ADAM10: variants seen among roughly 807,000 people sequenced by gnomAD.
ADAM10 encodes the protein ADAM metallopeptidase domain 10.
Under a neutral mutation model 90.1 loss-of-function variants are expected in ADAM10, and 17 were observed. The observed-to-expected ratio is 0.19, with a 90% CI of 0.13 to 0.28. The LOEUF (loss-of-function observed/expected upper bound fraction) is 0.28, where lower values mean the gene tolerates loss of function less well. ADAM10 is among the 10% of genes least tolerant of loss of function. The pLI is 1.00. For missense variants in ADAM10, 610 were observed against 914.3 expected, an observed-to-expected ratio of 0.67 and a Z score of 4.29; for synonymous variants, 310 against 298.6, an observed-to-expected ratio of 1.04 and a Z score of -0.40.
At chr15:58,622,607 A>C (rs1247829227) in intron 10 of ADAM10, among the ~76,000 whole-genome samples, 2 of 152,174 alleles carry the variant, frequency 1.3e-5, no homozygotes, top group East Asian at 1.9e-4. Context: ...TCCTTAAGGG[A>C]ACAAACATGT....
At chr15:58,740,399 A>G (rs1269698785) in intron 1 of ADAM10, among the ~76,000 whole-genome samples, 1 of 146,988 alleles carries the variant, frequency 6.8e-6, no homozygotes, top group East Asian at 2.0e-4. Flanking sequence ...TCAGCGCGAG[A>G]CTCTGTCTCT....
chr15:58,605,342 C>T (rs1895238784), intron 14 of ADAM10, among the ~76,000 whole-genome samples: 4 of 152,014 alleles, frequency 2.6e-5, no homozygotes, highest in Non-Finnish European at 4.4e-5. Flanking sequence ...GTGAATTTAG[C>T]GTGTGGGGAA....
chr15:58,603,201 C>G (rs1269699418), intron 14 of ADAM10, among the ~76,000 whole-genome samples: 1 of 152,096 alleles, frequency 6.6e-6, no homozygotes, highest in Non-Finnish European at 1.5e-5. Context: ...TATAGGTATT[C>G]CATAGACTCC....
chr15:58,716,457 G>T (rs780575062), intron 2 of ADAM10, among the ~76,000 whole-genome samples: 28 of 152,190 alleles, frequency 1.8e-4, no homozygotes, highest in Non-Finnish European at 4.0e-4. Context: ...ATTAAAAGAT[G>T]ATCAGGATTT....
chr15:58,620,496 A>G (rs1895747482), intron 11 of ADAM10, among the ~76,000 whole-genome samples: 1 of 152,090 alleles, frequency 6.6e-6, no homozygotes, highest in Non-Finnish European at 1.5e-5. Flanking sequence ...TATTGTGCAA[A>G]CAATTGCTTA....
Position 58,660,706 on chromosome 15 carries a change from A to G in ADAM10, c.585+4391T>C, listed in dbSNP as rs1896946304. 2.0e-5 allele frequency among the ~76,000 whole-genome samples: 3 copies of G among 152,190 alleles called. No individual in the cohort carries two copies. In the South Asian group the frequency reaches 6.2e-4, roughly 32 times the overall value. On this transcript the variant is annotated intron_variant, in intron 5 of 15. Coordinates refer to ENST00000260408, the MANE Select transcript of ADAM10 (RefSeq NM_001110.4). ...CCTAACTTCTCTTAACTGTTTTTAA[A>G]TACATTTGATTTATTTTATTAACAT...
chr15:58,637,986 G>T (rs747807954), intron 8 of ADAM10, among the ~76,000 whole-genome samples: 4 of 152,106 alleles, frequency 2.6e-5, no homozygotes, highest in Non-Finnish European at 5.9e-5. Context: ...AGTAGTAAGT[G>T]CAAAGACAAG....
chr15:58,644,014 G>T, intron 6 of ADAM10, 36 bp from the exon 7 acceptor site: 1 of 1,409,020 alleles, frequency 7.1e-7, no homozygotes, highest in Non-Finnish European at 1.0e-6. Context: ...TAGAGGCAAT[G>T]TTGAAATATG....
intron 14 of ADAM10, among the ~76,000 whole-genome samples, chr15:58,607,917 T>C (rs2140995138): frequency 1.3e-5 from 2 of 152,152 alleles, no homozygotes; most frequent in South Asian, 2.1e-4. Flanking sequence ...CCTCAATCCC[T>C]AATTAAAGAA....
intron 8 of ADAM10, among the ~76,000 whole-genome samples, chr15:58,636,340 G>A (rs1896250964): frequency 6.6e-6 from 1 of 151,594 alleles, no homozygotes; most frequent in Admixed American, 6.6e-5. Flanking sequence ...GGAGTAACTT[G>A]ATTATACAGG....
At chr15:58,727,068 G>C (rs1400809171) in intron 1 of ADAM10, among the ~76,000 whole-genome samples, 1 of 151,484 alleles carries the variant, frequency 6.6e-6, no homozygotes, top group Non-Finnish European at 1.5e-5. Flanking sequence ...GTGTGGTGAC[G>C]TGATCATAGC....
At chr15:58,682,357 G>C in intron 2 of ADAM10, 43 bp from the exon 3 acceptor site, 2 of 1,591,580 alleles carry the variant, frequency 1.3e-6, no homozygotes, top group South Asian at 1.2e-5. Context: ...AAATTAAAAA[G>C]ATCCAAATTT....
At chr15:58,619,840 C>T (rs1371450322) in intron 11 of ADAM10, among the ~76,000 whole-genome samples, 1 of 151,694 alleles carries the variant, frequency 6.6e-6, no homozygotes, top group African/African-American at 2.4e-5. Context: ...GGAGGCGGAG[C>T]TTGTAGTGAG....
intron 5 of ADAM10, among the ~76,000 whole-genome samples, chr15:58,662,337 G>A (rs1335736702): frequency 6.6e-6 from 1 of 152,162 alleles, no homozygotes; most frequent in African/African-American, 2.4e-5. Flanking sequence ...TATCTAATAA[G>A]TGTAATTTTT....
At chr15:58,729,986 CAAAACAAACAAACAAACAAAAA>C (rs1899179161) in intron 1 of ADAM10, among the ~76,000 whole-genome samples, 3 of 124,428 alleles carry the variant, frequency 2.4e-5, no homozygotes, top group South Asian at 3.2e-4. Flanking sequence ...AAAACAAAAA[CAAAACAAACAAACAAACAAAAA>C]AAAAAACTCA....
At chr15:58,691,684 T>C (rs1418098095) in intron 2 of ADAM10, 4 of 344,820 alleles carry the variant, frequency 1.2e-5, no homozygotes, top group African/African-American at 7.0e-5. Context: ...TTCTTTTTTT[T>C]TTTTTTTTTT....
At chr15:58,747,749 T>C (rs1899837487) in intron 1 of ADAM10, 1 of 152,216 alleles carries the variant, frequency 6.6e-6, no homozygotes, top group Non-Finnish European at 1.5e-5. Context: ...AATATGAATT[T>C]AGAAAATTTT....
intron 4 of ADAM10, among the ~76,000 whole-genome samples, chr15:58,674,687 TGCAACATCCTGA>T (rs1897272951): frequency 6.6e-6 from 1 of 152,224 alleles, no homozygotes; most frequent in African/African-American, 2.4e-5. Context: ...AAGTTTTAGA[TGCAACATCCTGA>T]CATTTCCACA....
At chr15:58,731,214 T>A (rs1307600181) in intron 1 of ADAM10, among the ~76,000 whole-genome samples, 1 of 152,158 alleles carries the variant, frequency 6.6e-6, no homozygotes, top group African/African-American at 2.4e-5. Flanking sequence ...ATCCACAAAG[T>A]TCCAAAAGAC....
Sources: gnomAD v4.1 joint callset for allele counts (sites outside exome capture counted in the v4.1 genomes callset) on GRCh38, gnomAD v4.1.1 for gene constraint, MANE v1.5 for transcripts, NCBI Gene and HGNC (gene_info 2026-07-23, HGNC 2026-07-21) for gene names.